ELMO3: variants seen among roughly 807,000 people sequenced by gnomAD.
ELMO3 encodes the protein engulfment and cell motility 3.
ELMO3 carries 81 observed loss-of-function variants against 89.0 expected under a neutral mutation model. The observed-to-expected ratio is 0.91, with a 90% CI of 0.76 to 1.09. ELMO3 has a LOEUF of 1.09. ELMO3 is among the 50% of genes least tolerant of loss of function. The probability of loss-of-function intolerance (pLI) is 0.00; values close to 1 mark genes in which losing one functional copy is unlikely to be tolerated. For missense variants in ELMO3, 959 were observed against 972.8 expected, an observed-to-expected ratio of 0.99 and a Z score of 0.19; for synonymous variants, 406 against 400.6, an observed-to-expected ratio of 1.01 and a Z score of -0.16.
chr16:67,203,840 T>A lies in ELMO3; in HGVS notation c.2126T>A (p.Phe709Tyr). 6.3e-7 allele frequency: 1 copy of A among 1,599,716 alleles called. No homozygotes were observed. The highest frequency in any genetic ancestry group is 1.3e-5 in the African/African-American group (1 of 74,856). The change falls in exon 20 of 20, where the codon TTC (phenylalanine) becomes TAC (tyrosine). Residue 709 changes from phenylalanine to tyrosine, a missense_variant. Coordinates refer to ENST00000393997, the MANE Select transcript of ELMO3 (RefSeq NM_024712.5). This position sits in a 1 kb window ranked among gnomAD's most constrained non-coding sequence, Gnocchi z 4.6. Reference protein sequence around the residue: ...PPPVPPPPTNFNFCYDCSIAE... With the variant: ...PPPVPPPPTNYNFCYDCSIAE... ...CCTGTGCCCCCACCCCCCACCAACT[T>A]CAACTTCTGCTATGACTGCAGCATC...
At chr16:67,200,583 G>T (rs753052911) in intron 6 of ELMO3, 33 bp downstream of exon 6, 8 of 1,612,912 alleles carry the variant, frequency 5.0e-6, no homozygotes, top group Non-Finnish European at 6.8e-6. Flanking sequence ...GCGGGTGGGG[G>T]CAGTGGAGCA....
intron 3 of ELMO3, 43 bp downstream of exon 3, chr16:67,199,799 C>T (rs761536298): frequency 1.2e-6 from 2 of 1,605,884 alleles, no homozygotes; most frequent in Non-Finnish European, 1.7e-6. Context: ...CTTCCGACCC[C>T]TCTAACCCAC....
chr16:67,202,641 G>A lies in ELMO3; in HGVS notation c.1413G>A (p.Val471=), dbSNP rs1030740022. Reference sequence around the variant, plus strand: ...GGCGGCCCCAGGTCATGCAGGTGGTGCGGGAGCAGCTGGCCCGCACTCTGG... The same window carrying A: ...GGCGGCCCCAGGTCATGCAGGTGGTACGGGAGCAGCTGGCCCGCACTCTGG... The part of the protein sequence containing the change: ...QEDFDKVMQV[V]REQLARTLAL... Residue 471 remains valine (V), a synonymous_variant, in exon 15 of 20, where the codon GTG becomes GTA. Transcript: ENST00000393997. 7 of 1,613,558 alleles carry A rather than the reference G, an allele frequency of 4.3e-6. No individual in the cohort carries two copies. Among genetic ancestry groups the A allele is most frequent in the East Asian group, 2.2e-5 (1 of 44,814 alleles).
chr16:67,200,281 C>G lies in ELMO3; in HGVS notation c.333C>G (p.Ala111=). Residue 111 remains alanine (A), a synonymous_variant, in exon 5 of 20, where the codon GCC becomes GCG. Coordinates refer to ENST00000393997, the MANE Select transcript of ELMO3 (RefSeq NM_024712.5). The part of the protein sequence containing the change: ...REALRRLVPL[A]SDMIFAREVI... ...CCCTGAGGCGCCTTGTTCCGCTGGCCTCGGACATGATCTTTGCCAGGGAGG... is the reference window on the plus strand; with the variant it reads ...CCCTGAGGCGCCTTGTTCCGCTGGCGTCGGACATGATCTTTGCCAGGGAGG... 6.2e-7 allele frequency: 1 copy of G among 1,613,846 alleles called. No individual in the cohort carries two copies. Among genetic ancestry groups the G allele is most frequent in the Non-Finnish European group, 8.5e-7 (1 of 1,180,054 alleles).
At position 67,199,348 on chromosome 16, in the gene ELMO3, G is replaced by C; in HGVS notation, c.22G>C (p.Val8Leu). ...GACCATGGCGCCTCCGCGGAACGTG[G>C]TGAAGATTGCCATCAAGATGCGTGA... is the stretch of plus-strand genomic sequence containing the variant. MAPPRNV[V>L]KIAIKMRDAI... The change falls in exon 1 of 20, where the codon GTG becomes CTG. Residue 8 changes from valine (V) to leucine (L), a missense_variant. Coordinates refer to ENST00000393997, the MANE Select transcript of ELMO3 (RefSeq NM_024712.5). 1 of 1,610,844 alleles carries C rather than the reference G, an allele frequency of 6.2e-7. No homozygotes were observed.
chr16:67,199,254 C>T lies in ELMO3; in HGVS notation c.-73C>T, dbSNP rs369066135. ...GAGGACCTCCTCGTCCCCAGGGGCC[C>T]CAGGCCAGGTGCACCCTTGGCCGCA... On this transcript the variant is annotated 5_prime_UTR_variant, in exon 1 of 20. Transcript: ENST00000393997. 6.1e-5 allele frequency: 98 copies of T among 1,611,552 alleles called. No individual in the cohort carries two copies. Among genetic ancestry groups the T allele is most frequent in the Non-Finnish European group, 7.8e-5 (92 of 1,179,574 alleles).
In ELMO3 at chr16:67,201,919, G is replaced by A. The variant is rs374748693; in HGVS notation, c.1050+46G>A. Reference sequence around the variant, plus strand: ...ACTCCCCACCCCTGCCTCAGCCCAGGGCTGTTGTTCCAGGCGGCCGTGGCC... The same window carrying A: ...ACTCCCCACCCCTGCCTCAGCCCAGAGCTGTTGTTCCAGGCGGCCGTGGCC... On this transcript the variant is annotated intron_variant, in intron 11 of 19. Transcript: ENST00000393997. The A allele has an allele frequency of 3.0e-5, 48 of 1,605,162 alleles. No individual in the cohort carries two copies. In the African/African-American group the frequency reaches 5.7e-4, roughly 19 times the overall value.
chr16:67,201,996 A>T lies in ELMO3; in HGVS notation c.1070A>T (p.Asp357Val), dbSNP rs200716343. 6.2e-6 allele frequency: 10 copies of T among 1,612,920 alleles called. No homozygotes were observed. The Admixed American group carries it at 1.7e-4, about 27-fold the overall frequency. The change falls in exon 12 of 20, where the codon GAC becomes GTC. Residue 357 changes from aspartate (D) to valine (V), a missense_variant. Asp to Val is a radical substitution (Grantham distance 152, BLOSUM62 -3). Transcript: ENST00000393997. The stretch of plus-strand genomic sequence containing the variant: ...CCCCAGAACAGCAACCCAGCACAGG[A>T]CCTGGAGCGCGTGCCCCCCGGTCTG... ...LGFSNSNPAQ[D>V]LERVPPGLLA...
rs994145172 is a variant in ELMO3 at position 67,202,878 on chromosome 16, C to T, written c.1563-14C>T. On this transcript the variant is annotated splice_polypyrimidine_tract_variant and intron_variant, in intron 15 of 19. Transcript: ENST00000393997. ...TCCCCAGGTCAGATGTGCTCAGTGA[C>T]ACCCCTCTATCAGGGAGCTGCGGGA... 9.9e-6 allele frequency: 16 copies of T among 1,612,982 alleles called. No homozygotes were observed. Among genetic ancestry groups the T allele is most frequent in the Non-Finnish European group, 1.4e-5 (16 of 1,179,882 alleles).
intron 1 of ELMO3, 63 bp from the exon 2 acceptor site, chr16:67,199,490 T>TC (rs1188247483): frequency 4.3e-6 from 2 of 465,788 alleles, no homozygotes; most frequent in Non-Finnish European, 5.8e-6. Flanking sequence ...GCCCCACCCC[T>TC]CCCCCCAGGC....
At position 67,200,006 on chromosome 16, in the gene ELMO3, T is replaced by C; in HGVS notation, c.243+5T>C. The C allele has an allele frequency of 1.2e-6, 2 of 1,613,450 alleles. No individual in the cohort carries two copies. Among genetic ancestry groups the C allele is most frequent in the Non-Finnish European group, 8.5e-7 (1 of 1,179,972 alleles). On this transcript the variant is annotated splice_donor_5th_base_variant and intron_variant, in intron 4 of 19. Transcript: ENST00000393997. The stretch of plus-strand genomic sequence containing the variant: ...CTGTGCCTCAGCACGGCCCCAGTAA[T>C]GCCCCTCCCGTCCCGCCTTCCCCAT...
chr16:67,203,458 T>G lies in ELMO3; in HGVS notation c.1864-39T>G. ...CCTTCCCACCCGCCCCCGCCTACCC[T>G]GTCCCCTGCTCAGTGTCCCCGCTCC... On this transcript the variant is annotated intron_variant, in intron 18 of 19. Transcript: ENST00000393997. This position sits in a 1 kb window ranked among gnomAD's most constrained non-coding sequence, Gnocchi z 4.6. 1 of 1,084,974 alleles carries G rather than the reference T, an allele frequency of 9.2e-7. No homozygotes were observed. The highest frequency in any genetic ancestry group is 1.3e-6 in the Non-Finnish European group (1 of 744,320). The allele number at this position is 1,084,974 out of a possible 1,614,324, so 67.2% of individuals were successfully genotyped here.
At chr16:67,200,112 C>A in intron 4 of ELMO3, 80 bp from the exon 5 acceptor site, 1 of 1,564,202 alleles carries the variant, frequency 6.4e-7, no homozygotes, top group Non-Finnish European at 8.7e-7. Context: ...ACCTAGTTGA[C>A]GCCCGGGGCC....
At position 67,202,016 on chromosome 16, in the gene ELMO3, G is replaced by A. The variant is rs1319077122; in HGVS notation, c.1090G>A (p.Gly364Ser). The part of the protein sequence containing the change: ...PAQDLERVPP[G>S]LLALDNMLYF... Reference sequence around the variant, plus strand: ...ACAGGACCTGGAGCGCGTGCCCCCCGGTCTGCTGGCCCTGGACAACATGTT... The same window carrying A: ...ACAGGACCTGGAGCGCGTGCCCCCCAGTCTGCTGGCCCTGGACAACATGTT... The change falls in exon 12 of 20, where the codon GGT becomes AGT. Residue 364 changes from glycine to serine, a missense_variant. By Grantham distance (56) the Gly-to-Ser change is moderately conservative. Transcript: ENST00000393997. 18 of 1,613,216 alleles carry A rather than the reference G, an allele frequency of 1.1e-5. No homozygotes were observed. The highest frequency in any genetic ancestry group is 1.7e-5 in the Admixed American group (1 of 59,994).
rs755762919 is a variant in ELMO3 at position 67,200,431 on chromosome 16, C to A, written c.414-20C>A. 6.2e-7 allele frequency: 1 copy of A among 1,611,504 alleles called. No individual in the cohort carries two copies. The highest frequency in any genetic ancestry group is 1.3e-5 in the African/African-American group (1 of 74,808). On this transcript the variant is annotated intron_variant, in intron 5 of 19. Coordinates refer to ENST00000393997, the MANE Select transcript of ELMO3 (RefSeq NM_024712.5). ...TGGTCCTGGGGTGGTCCTGCTCAGC[C>A]CCAGATGTCCCCCCTCCAGCCTAGG...
At chr16:67,200,065 C>A in intron 4 of ELMO3, 64 bp downstream of exon 4, 2 of 1,581,544 alleles carry the variant, frequency 1.3e-6, no homozygotes, top group Non-Finnish European at 1.7e-6. Flanking sequence ...AGAGGCCCCC[C>A]GCCCCGGAGG....
At chr16:67,199,441 C>T (rs1446891781) in intron 1 of ELMO3, 37 bp downstream of exon 1, 1 of 1,598,570 alleles carries the variant, frequency 6.3e-7, no homozygotes, top group Admixed American at 1.7e-5. Flanking sequence ...TGCCCCACTG[C>T]CCCACCTCCC....
At position 67,201,959 on chromosome 16, in the gene ELMO3, T is replaced by C. The variant is rs1432718327; in HGVS notation, c.1051-18T>C. The stretch of plus-strand genomic sequence containing the variant: ...CGGCCGTGGCCCTTCTTGAACTGCC[T>C]GTGCCCACTTCCCCCAGAACAGCAA... On this transcript the variant is annotated intron_variant, in intron 11 of 19. Coordinates refer to ENST00000393997, the MANE Select transcript of ELMO3 (RefSeq NM_024712.5). 6.2e-7 allele frequency: 1 copy of C among 1,611,582 alleles called. No homozygotes were observed. The highest frequency in any genetic ancestry group is 8.5e-7 in the Non-Finnish European group (1 of 1,179,512).
In ELMO3 at chr16:67,199,324, A is replaced by G; in HGVS notation, c.-3A>G. 6.2e-7 allele frequency: 1 copy of G among 1,612,240 alleles called. No homozygotes were observed. Among genetic ancestry groups the G allele is most frequent in the Non-Finnish European group, 8.5e-7 (1 of 1,179,838 alleles). On this transcript the variant is annotated 5_prime_UTR_variant, in exon 1 of 20. Coordinates refer to ENST00000393997, the MANE Select transcript of ELMO3 (RefSeq NM_024712.5). ...GTGCAGGCGCCCACGTCCCAGCTGG[A>G]CCATGGCGCCTCCGCGGAACGTGGT...
Sources: allele counts gnomAD v4.1 joint callset, GRCh38; gene constraint gnomAD v4.1.1; non-coding constraint Gnocchi (gnomAD v3.1); transcripts MANE v1.5; gene names NCBI Gene and HGNC (gene_info 2026-07-23, HGNC 2026-07-21).